DNAJC6: variants seen among roughly 807,000 people sequenced by gnomAD.
DNAJC6 encodes auxilin.
A neutral mutation model predicts 110.0 loss-of-function variants in DNAJC6; 34 were observed. That is an observed-to-expected ratio of 0.31 (90% CI 0.24 to 0.41). The LOEUF is 0.41. DNAJC6 is among the 10% of genes least tolerant of loss of function. The pLI is 1.00. For synonymous variants in DNAJC6, 406 were observed against 437.2 expected (o/e 0.93, Z 0.89); for missense variants, 1,031 against 1,207.8 (o/e 0.85, Z 2.17).
Position 65,414,934 on chromosome 1 carries a change from A to G in DNAJC6, c.*1909A>G, listed in dbSNP as rs769107584. The stretch of plus-strand genomic sequence containing the variant: ...AATGATAGAACTACATTAGCTTTGT[A>G]TCATGTTTGGATAATTCATCAATGT... On this transcript the variant is annotated 3_prime_UTR_variant, in exon 19 of 19. Transcript: ENST00000371069. 3.9e-5 allele frequency: 6 copies of G among 152,644 alleles called. No homozygotes were observed. The highest frequency in any genetic ancestry group is 7.2e-5 in the African/African-American group (3 of 41,476). The allele number at this position is 152,644 out of a possible 1,614,324, so 9.5% of individuals were successfully genotyped here.
intron 13 of DNAJC6, among the ~76,000 whole-genome samples, chr1:65,397,507 C>G (rs574219225): frequency 6.6e-5 from 10 of 152,152 alleles, no homozygotes; most frequent in Non-Finnish European, 1.2e-4. Flanking sequence ...GTTTCTCTAA[C>G]AGACCTTAAG....
chr1:65,392,358 A>G (rs1308472761), intron 11 of DNAJC6, 73 bp from the exon 12 acceptor site: 8 of 1,346,102 alleles, frequency 5.9e-6, no homozygotes, highest in South Asian at 1.5e-5. Flanking sequence ...GGAATTATAT[A>G]CATATATTAT....
chr1:65,273,445 A>T (rs1039167354), intron 1 of DNAJC6, among the ~76,000 whole-genome samples: 1 of 152,086 alleles, frequency 6.6e-6, no homozygotes. Context: ...AAAAAATTAC[A>T]AGTATTAGTT....
chr1:65,307,000 C>G (rs1570253300), upstream of DNAJC6, among the ~76,000 whole-genome samples: 1 of 115,656 alleles, frequency 8.6e-6, no homozygotes, highest in South Asian at 3.3e-4. Context: ...CTCTCTCTCT[C>G]TCTCTCTCTC....
Position 65,366,062 on chromosome 1 carries a change from C to A in DNAJC6, c.409C>A (p.Leu137Met), listed in dbSNP as rs900663639. ...CTCTCTCCTAGTGATGTCCTTTCCT[C>A]TGGACAATGTTGACATAGGATTCAG... Reference protein sequence around the residue: ...TSRIIVMSFPLDNVDIGFRNQ... With the variant: ...TSRIIVMSFPMDNVDIGFRNQ... The change falls in exon 4 of 19, where the codon CTG (leucine) becomes ATG (methionine). Residue 137 changes from leucine (L) to methionine (M), a missense_variant. By Grantham distance (15) the Leu-to-Met change is conservative. Transcript: ENST00000371069. 1 of 1,613,758 alleles carries A rather than the reference C, an allele frequency of 6.2e-7. No individual in the cohort carries two copies. The highest frequency in any genetic ancestry group is 8.5e-7 in the Non-Finnish European group (1 of 1,179,814).
intron 1 of DNAJC6, among the ~76,000 whole-genome samples, chr1:65,291,912 A>G (rs546773119): frequency 1.1e-4 from 16 of 152,102 alleles, no homozygotes; most frequent in Admixed American, 2.6e-4. Context: ...TTTCGTTCCT[A>G]CTTTCCTCTC....
chr1:65,394,367 G>A (rs186614554), intron 12 of DNAJC6, among the ~76,000 whole-genome samples: 49 of 152,278 alleles, frequency 3.2e-4, no homozygotes, highest in Admixed American at 3.1e-3. Context: ...AGAACACCAA[G>A]TCTAGAGTTA....
intron 1 of DNAJC6, among the ~76,000 whole-genome samples, chr1:65,294,125 AAGACATATC>A (rs2101241844): frequency 6.6e-6 from 1 of 152,350 alleles, no homozygotes; most frequent in South Asian, 2.1e-4. Context: ...GATAATGGTT[AAGACATATC>A]AGCAATACCC....
At chr1:65,391,902 C>T (rs867987136) in intron 11 of DNAJC6, among the ~76,000 whole-genome samples, 3 of 152,002 alleles carry the variant, frequency 2.0e-5, no homozygotes, top group Admixed American at 6.5e-5. Flanking sequence ...CTCAGCCTCC[C>T]GAGTAGCTGG....
intron 1 of DNAJC6, among the ~76,000 whole-genome samples, chr1:65,281,767 C>A (rs1034144102): frequency 1.3e-5 from 2 of 152,086 alleles, no homozygotes; most frequent in Non-Finnish European, 2.9e-5. Context: ...AGCCACCACG[C>A]CTGGCTAATT....
At chr1:65,353,205 A>T (rs561699378) in intron 1 of DNAJC6, among the ~76,000 whole-genome samples, 1 of 152,252 alleles carries the variant, frequency 6.6e-6, no homozygotes, top group African/African-American at 2.4e-5. Context: ...ATGGCCCCTC[A>T]CTTTCTGGAG....
At chr1:65,404,973 C>T (rs1646061987) in intron 15 of DNAJC6, among the ~76,000 whole-genome samples, 1 of 152,016 alleles carries the variant, frequency 6.6e-6, no homozygotes, top group East Asian at 1.9e-4. Context: ...ATTTTGTTAA[C>T]TCTAAAGAGC....
intron 6 of DNAJC6, among the ~76,000 whole-genome samples, chr1:65,384,747 G>A (rs1472751681): frequency 2.0e-5 from 3 of 152,062 alleles, no homozygotes; most frequent in African/African-American, 7.2e-5. Context: ...GGGGATTATG[G>A]GAGCTACAAT....
At chr1:65,370,024 TA>T (rs1645690415) in intron 4 of DNAJC6, among the ~76,000 whole-genome samples, 1 of 152,194 alleles carries the variant, frequency 6.6e-6, no homozygotes, top group Non-Finnish European at 1.5e-5. Flanking sequence ...GCAAAGGATG[TA>T]TGAAACCTCA....
intron 12 of DNAJC6, among the ~76,000 whole-genome samples, chr1:65,393,870 G>C (rs1645952503): frequency 6.6e-6 from 1 of 152,102 alleles, no homozygotes; most frequent in African/African-American, 2.4e-5. Flanking sequence ...CTTGACTTGT[G>C]ATAGTTCAGC....
chr1:65,301,442 C>T lies in DNAJC6; in HGVS notation c.-131+36510C>T, dbSNP rs571218361. ...ACCACTGACACAGTCCCCAAAACTG[C>T]TCCCCCAACCTACCACCTCCACTTT... is the stretch of plus-strand genomic sequence containing the variant. On this transcript the variant is annotated intron_variant, in intron 1 of 19. Coordinates refer to the DNAJC6 transcript ENST00000263441. Among the ~76,000 whole-genome samples, 12 of 152,238 alleles carry T rather than the reference C, an allele frequency of 7.9e-5. No homozygotes were observed. In the South Asian group the frequency reaches 2.5e-3, roughly 32 times the overall value.
rs1443716054 is a variant in DNAJC6, at chr1:65,413,064, A to C, written c.*39A>C. 11 of 1,566,520 alleles carry C rather than the reference A, an allele frequency of 7.0e-6. No homozygotes were observed. Among genetic ancestry groups the C allele is most frequent in the Non-Finnish European group, 9.6e-6 (11 of 1,144,516 alleles). ...CCATCTCTGCTGCAGACCTGTGCTA[A>C]TGCTTAGTGTGTGTCACAATTCTGA... On this transcript the variant is annotated 3_prime_UTR_variant, in exon 19 of 19. Coordinates refer to ENST00000371069, the MANE Select transcript of DNAJC6 (RefSeq NM_001256864.2).
At chr1:65,287,726 C>A (rs1654068798) in intron 1 of DNAJC6, among the ~76,000 whole-genome samples, 1 of 152,148 alleles carries the variant, frequency 6.6e-6, no homozygotes, top group Non-Finnish European at 1.5e-5. Context: ...GCCTCATCCT[C>A]CCAAGTAGGT....
At chr1:65,368,539 C>CTCTTTCCTTTCTCCTTCCGTTT (rs1277961630) in intron 4 of DNAJC6, among the ~76,000 whole-genome samples, 1 of 149,826 alleles carries the variant, frequency 6.7e-6, no homozygotes, top group African/African-American at 2.5e-5. Context: ...TCCTTCCCTT[C>CTCTTTCCTTTCTCCTTCCGTTT]TCCTTCCCTT....
Sources: allele counts gnomAD v4.1 joint callset (sites outside exome capture counted in the v4.1 genomes callset), GRCh38; gene constraint gnomAD v4.1.1; transcripts MANE v1.5; gene names NCBI Gene and HGNC (gene_info 2026-07-23, HGNC 2026-07-21).